PDE6A: variants seen among roughly 807,000 people sequenced by gnomAD.
PDE6A encodes the protein rod cGMP-specific 3',5'-cyclic phosphodiesterase subunit alpha.
PDE6A carries 84 observed loss-of-function variants against 106.3 expected under a neutral mutation model. The observed-to-expected ratio is 0.79, with a 90% CI of 0.66 to 0.95. PDE6A has a LOEUF of 0.95. PDE6A is among the 40% of genes least tolerant of loss of function. The pLI is 0.00. For missense variants in PDE6A, 1,052 were observed against 1,084.9 expected (o/e 0.97, Z 0.43); for synonymous variants, 394 against 386.6 (o/e 1.02, Z -0.23).
chr5:149,926,878 T>C (rs921001701), intron 4 of PDE6A, among the ~76,000 whole-genome samples: 5 of 150,362 alleles, frequency 3.3e-5, no homozygotes, highest in Admixed American at 1.3e-4. Flanking sequence ...CTTGGGAGGC[T>C]GAGGCTGGAG....
intron 3 of PDE6A, chr5:149,931,954 A>G (rs547152896): frequency 1.7e-6 from 2 of 1,167,424 alleles, no homozygotes; most frequent in Non-Finnish European, 2.5e-6. Context: ...AGAAGTTTGC[A>G]AATCTTTTAT....
At chr5:149,889,888 C>T (rs1364506300) in intron 13 of PDE6A, among the ~76,000 whole-genome samples, 1 of 127,978 alleles carries the variant, frequency 7.8e-6, no homozygotes, top group Non-Finnish European at 1.6e-5. Flanking sequence ...GCCTGGGTGA[C>T]AGAACAAGAC....
intron 5 of PDE6A, among the ~76,000 whole-genome samples, chr5:149,920,996 A>AAGAAAG (rs1554091222): frequency 1.1e-5 from 1 of 91,548 alleles, no homozygotes; most frequent in Non-Finnish European, 2.8e-5. Context: ...GAAAGAAAGA[A>AAGAAAG]AAAGAAAGAA....
chr5:149,878,981 CAT>C (rs1353312324), intron 17 of PDE6A, among the ~76,000 whole-genome samples: 1 of 152,150 alleles, frequency 6.6e-6, no homozygotes, highest in Non-Finnish European at 1.5e-5. Context: ...CTTAATTTTT[CAT>C]AGTCAGATTT....
At chr5:149,941,577 T>C (rs1194678949) in intron 1 of PDE6A, among the ~76,000 whole-genome samples, 1 of 152,178 alleles carries the variant, frequency 6.6e-6, no homozygotes, top group Admixed American at 6.5e-5. Context: ...CCATTGTGCC[T>C]CCGCATGTAA....
In PDE6A at chr5:149,859,020, T is replaced by TC. The variant is rs1760035980; in HGVS notation, c.*1874dup. ...TTGTATTTTTAGTAGAGATGGGGTT[T>TC]CACCATGTTGGCCAGGCTGGTCTTG... is the stretch of plus-strand genomic sequence containing the variant. On this transcript the variant is annotated 3_prime_UTR_variant, in exon 22 of 22. Coordinates refer to ENST00000255266, the MANE Select transcript of PDE6A (RefSeq NM_000440.3). 1 of 152,014 alleles carries TC rather than the reference T, an allele frequency of 6.6e-6. No individual in the cohort carries two copies. Among genetic ancestry groups the TC allele is most frequent in the African/African-American group, 2.4e-5 (1 of 41,386 alleles). 9.4% of individuals were successfully genotyped at this position (152,014 alleles called of 1,614,324 possible). A position where few individuals can be genotyped will look rare whatever the true frequency, so the allele number is the denominator to read the frequency against.
intron 1 of PDE6A, among the ~76,000 whole-genome samples, chr5:149,942,925 T>C (rs4705099): frequency 0.22 from 33,674 of 151,246 alleles, 4,362 homozygotes; most frequent in African/African-American, 0.35. Context: ...AACATATGAT[T>C]GGGTTTTACA....
At chr5:149,944,030 G>C (rs1754397851) in intron 1 of PDE6A, among the ~76,000 whole-genome samples, 170 bp downstream of exon 1, 1 of 151,828 alleles carries the variant, frequency 6.6e-6, no homozygotes, top group African/African-American at 2.4e-5. Context: ...TGTTAAGTTT[G>C]AATTTTTTTT....
At position 149,862,932 on chromosome 5, in the gene PDE6A, G is replaced by A. The variant is rs115246641; in HGVS notation, c.2506+187C>T. 4.6e-3 allele frequency among the ~76,000 whole-genome samples: 703 copies of A among 152,220 alleles called. 9 individuals carry two copies. The highest frequency in any genetic ancestry group is 0.016 in the African/African-American group (676 of 41,518). Reference sequence around the variant, plus strand: ...TTCCTCAGCCTCAATCTTGGGAACCGGGCTCTGTCTCTTACTGTGTGACTT... The same window carrying A: ...TTCCTCAGCCTCAATCTTGGGAACCAGGCTCTGTCTCTTACTGTGTGACTT... On this transcript the variant is annotated intron_variant, in intron 21 of 21. Coordinates refer to ENST00000255266, the MANE Select transcript of PDE6A (RefSeq NM_000440.3).
intron 19 of PDE6A, chr5:149,866,538 G>A (rs1045657674): frequency 4.6e-5 from 19 of 412,346 alleles, no homozygotes; most frequent in Non-Finnish European, 7.6e-5. Context: ...GGCAGGGCCT[G>A]CTACAGATTA....
At chr5:149,902,268 T>C (rs1308628651) in intron 8 of PDE6A, among the ~76,000 whole-genome samples, 1 of 152,164 alleles carries the variant, frequency 6.6e-6, no homozygotes, top group Non-Finnish European at 1.5e-5. Context: ...CTCTCTCTAC[T>C]GTCCAAACAT....
intron 5 of PDE6A, among the ~76,000 whole-genome samples, chr5:149,916,870 C>T (rs982565288): frequency 4.6e-5 from 7 of 152,048 alleles, no homozygotes; most frequent in Admixed American, 1.3e-4. Flanking sequence ...TTTTACTGTC[C>T]GCATCACTGT....
chr5:149,939,061 T>C (rs1051305487), intron 1 of PDE6A, among the ~76,000 whole-genome samples: 10 of 152,186 alleles, frequency 6.6e-5, no homozygotes, highest in African/African-American at 2.4e-4. Flanking sequence ...ATTCTGCCAC[T>C]GGGGCCCAAG....
At chr5:149,884,654 C>T (rs1323548775) in intron 15 of PDE6A, 75 bp from the exon 16 acceptor site, 1 of 1,427,566 alleles carries the variant, frequency 7.0e-7, no homozygotes, top group Non-Finnish European at 9.9e-7. Context: ...CAATGGCCAC[C>T]CCAGATGATG....
chr5:149,868,907 C>T lies in PDE6A; in HGVS notation c.2136-749G>A, dbSNP rs537978690. ...TTGTTTAATACTAATAGATTTCTTT[C>T]TCTTCTAGGCCATTTCCTCACCTGG... On this transcript the variant is annotated intron_variant, in intron 17 of 21. Coordinates refer to ENST00000255266, the MANE Select transcript of PDE6A (RefSeq NM_000440.3). 4.6e-5 allele frequency among the ~76,000 whole-genome samples: 7 copies of T among 152,246 alleles called. No individual in the cohort carries two copies. In the South Asian group the frequency reaches 1.5e-3, roughly 32 times the overall value.
intron 5 of PDE6A, among the ~76,000 whole-genome samples, chr5:149,919,561 T>C (rs1753644856): frequency 6.6e-6 from 1 of 152,076 alleles, no homozygotes; most frequent in Non-Finnish European, 1.5e-5. Flanking sequence ...AACTGCAAAG[T>C]TTTTCTTTCC....
chr5:149,860,340 ATGAT>A lies in PDE6A; in HGVS notation c.*551_*554del, dbSNP rs1760089180. ...AACGTACAATTCTCTACTTTTGAAA[ATGAT>A]TGAAAATTTTTACAATACATTAACT... On this transcript the variant is annotated 3_prime_UTR_variant, in exon 22 of 22. Transcript: ENST00000255266. 1 of 152,420 alleles carries A rather than the reference ATGAT, an allele frequency of 6.6e-6. No homozygotes were observed. Among genetic ancestry groups the A allele is most frequent in the Non-Finnish European group, 1.5e-5 (1 of 68,172 alleles). 9.4% of individuals were successfully genotyped at this position (152,420 alleles called of 1,614,324 possible).
intron 17 of PDE6A, among the ~76,000 whole-genome samples, chr5:149,879,558 A>G (rs928789649): frequency 1.2e-4 from 17 of 142,854 alleles, no homozygotes; most frequent in Non-Finnish European, 2.4e-4. Context: ...TATATCTCCC[A>G]ATGCTATCCC....
intron 4 of PDE6A, among the ~76,000 whole-genome samples, chr5:149,924,282 A>C (rs994696381): frequency 6.6e-6 from 1 of 152,132 alleles, no homozygotes; most frequent in African/African-American, 2.4e-5. Context: ...AAGAACAAAT[A>C]TATTGGCCTG....
Sources: allele counts gnomAD v4.1 joint callset (sites outside exome capture counted in the v4.1 genomes callset), GRCh38; gene constraint gnomAD v4.1.1; transcripts MANE v1.5; gene names NCBI Gene and HGNC (gene_info 2026-07-23, HGNC 2026-07-21).